Variants in MYBPC1 observed in about 807,000 individuals in gnomAD.
The protein encoded by MYBPC1 is myosin binding protein C1, also known as myosin-binding protein C, slow-type.
Under a neutral mutation model 147.1 loss-of-function variants are expected in MYBPC1, and 52 were observed. The ratio of observed to expected loss-of-function variants is 0.35; its 90% CI spans 0.28 to 0.45. The LOEUF is 0.45. Among genes scored for constraint, MYBPC1 ranks in the 20% least tolerant of loss-of-function variants. The pLI, the probability that MYBPC1 is intolerant of heterozygous loss-of-function variation, is 1.00. For missense variants in MYBPC1, 1,228 were observed against 1,440.3 expected (o/e 0.85, Z 2.39); for synonymous variants, 477 against 475.9 (o/e 1.00, Z -0.03).
At chr12:101,692,952 T>TTG in the MYBPC1 span, among the ~76,000 whole-genome samples, 1 of 149,788 alleles carries the variant, frequency 6.7e-6, no homozygotes, top group Non-Finnish European at 1.5e-5. Context: ...CTTCACTTTT[T>TTG]TTTTTTTTTT....
chr12:101,623,792 T>C (rs825064), intron 3 of MYBPC1, among the ~76,000 whole-genome samples: 22,532 of 152,252 alleles, frequency 0.15, 1,961 homozygotes, highest in East Asian at 0.32. Flanking sequence ...GAATTAAATC[T>C]ATGGCAAGTA....
At chr12:101,595,305 A>T (rs1316695783) in intron 1 of MYBPC1, among the ~76,000 whole-genome samples, 2 of 152,192 alleles carry the variant, frequency 1.3e-5, no homozygotes, top group Admixed American at 1.3e-4. Flanking sequence ...ATAGTTTCTA[A>T]AGGGATATTG....
At chr12:101,678,075 A>T in intron 27 of MYBPC1, 27 bp from the exon 28 acceptor site, 1 of 1,605,566 alleles carries the variant, frequency 6.2e-7, no homozygotes. Flanking sequence ...ACATAATTTT[A>T]ACATATTTGT....
At chr12:101,662,804 C>G (rs913077630) in intron 21 of MYBPC1, among the ~76,000 whole-genome samples, 2 of 152,184 alleles carry the variant, frequency 1.3e-5, no homozygotes, top group African/African-American at 4.8e-5. Flanking sequence ...GATTGCCATT[C>G]CCCACTGAAA....
the MYBPC1 span, among the ~76,000 whole-genome samples, chr12:101,692,706 G>GT: frequency 6.6e-6 from 1 of 152,090 alleles, no homozygotes; most frequent in African/African-American, 2.4e-5. Context: ...CAATCACTAT[G>GT]TAACAAACCA....
At chr12:101,685,480 A>G in intron 31 of MYBPC1, 102 bp from the exon 32 acceptor site, 2 of 777,684 alleles carry the variant, frequency 2.6e-6, no homozygotes, top group Non-Finnish European at 4.3e-6. Context: ...TAATGGGAAC[A>G]TGATTAGTCA....
At position 101,666,930 on chromosome 12, in the gene MYBPC1, T is replaced by TAC. The variant is rs564354596; in HGVS notation, c.2357-790_2357-789dup. The TAC allele has an allele frequency of 0.025, 9,377 of 376,962 alleles. 550 individuals are homozygous for TAC. The highest frequency in any genetic ancestry group is 0.16 in the East Asian group (2,489 of 15,134). The allele number at this position is 376,962 out of a possible 1,614,324, so 23.4% of individuals were successfully genotyped here. A position where few individuals can be genotyped will look rare whatever the true frequency, so the allele number is the denominator to read the frequency against. ...ACACACACACACACACACACACACA[T>TAC]ACACACACACACATCCTTAGAGATG... On this transcript the variant is annotated intron_variant, in intron 22 of 31. Transcript: ENST00000361466.
At chr12:101,614,655 G>A in intron 2 of MYBPC1, 124 bp downstream of exon 2, 1 of 915,228 alleles carries the variant, frequency 1.1e-6, no homozygotes, top group Non-Finnish European at 1.8e-6. Flanking sequence ...TGAGAAGTTG[G>A]ATGGTGACCA....
chr12:101,691,524 G>A, the MYBPC1 span, among the ~76,000 whole-genome samples: 6 of 152,206 alleles, frequency 3.9e-5, no homozygotes, highest in African/African-American at 1.4e-4. Context: ...AGAGATTGAG[G>A]ATGTTAAGGA....
intron 22 of MYBPC1, chr12:101,664,653 T>TCACC (rs1033196792): frequency 5.0e-4 from 76 of 152,306 alleles, no homozygotes; most frequent in African/African-American, 1.7e-3. Flanking sequence ...GTGGAAATGC[T>TCACC]CACCTCTGTT....
At chr12:101,639,487 C>A (rs825061) in intron 10 of MYBPC1, among the ~76,000 whole-genome samples, 16 of 152,068 alleles carry the variant, frequency 1.1e-4, no homozygotes, top group African/African-American at 3.9e-4. Flanking sequence ...CTTCTCTTTA[C>A]GATTTGAGAT....
intron 3 of MYBPC1, among the ~76,000 whole-genome samples, chr12:101,626,189 A>G (rs1888571440): frequency 6.6e-6 from 1 of 151,976 alleles, no homozygotes; most frequent in Admixed American, 6.6e-5. Context: ...TATCCAAAAC[A>G]AATAAATAAA....
downstream of MYBPC1, among the ~76,000 whole-genome samples, chr12:101,689,130 T>TG (rs1385831289): frequency 1.3e-5 from 2 of 152,170 alleles, no homozygotes; most frequent in African/African-American, 2.4e-5. Context: ...TTATTGTCAA[T>TG]GTGTGTATCA....
chr12:101,657,476 G>T (rs1479523854), intron 18 of MYBPC1, among the ~76,000 whole-genome samples: 4 of 152,144 alleles, frequency 2.6e-5, no homozygotes. Flanking sequence ...AGGATAAGAA[G>T]AGTCAAGGCT....
intron 5 of MYBPC1, 139 bp from the exon 6 acceptor site, chr12:101,629,295 A>G (rs1889302231): frequency 1.9e-5 from 13 of 701,034 alleles, no homozygotes; most frequent in Non-Finnish European, 3.1e-5. Flanking sequence ...TGCTGGGGGC[A>G]GAAAGAATGA....
intron 1 of MYBPC1, among the ~76,000 whole-genome samples, chr12:101,602,880 A>G (rs927983442): frequency 7.9e-5 from 12 of 152,164 alleles, no homozygotes; most frequent in Admixed American, 1.3e-4. Context: ...GCCATGTCCA[A>G]TTCGGGGGTC....
At chr12:101,695,571 A>G in the MYBPC1 span, among the ~76,000 whole-genome samples, 3 of 152,182 alleles carry the variant, frequency 2.0e-5, no homozygotes, top group Admixed American at 6.5e-5. Flanking sequence ...GAGGCACCCC[A>G]GTTTGCTCAC....
chr12:101,673,328 G>A, intron 24 of MYBPC1, 99 bp from the exon 25 acceptor site: 5 of 1,251,112 alleles, frequency 4.0e-6, no homozygotes, highest in Non-Finnish European at 5.8e-6. Context: ...TTCCAGCCCT[G>A]CCTAGAATGG....
downstream of MYBPC1, among the ~76,000 whole-genome samples, chr12:101,688,224 A>G (rs1951377895): frequency 6.6e-6 from 1 of 152,294 alleles, no homozygotes; most frequent in Middle Eastern, 3.4e-3. Context: ...GTTCGAGAGC[A>G]GCTATGCAGC....
Sources: allele counts gnomAD v4.1 joint callset (sites outside exome capture counted in the v4.1 genomes callset), GRCh38; gene constraint gnomAD v4.1.1; transcripts MANE v1.5; gene names NCBI Gene and HGNC (gene_info 2026-07-23, HGNC 2026-07-21).